The following SYNPR variants were observed in gnomAD, a reference collection of about 807,000 sequenced individuals.
SYNPR encodes the protein synaptoporin.
SYNPR carries 23 observed loss-of-function variants against 32.9 expected under a neutral mutation model. The ratio of observed to expected loss-of-function variants is 0.70; its 90% confidence interval spans 0.50 to 0.99. SYNPR has a LOEUF of 0.99. SYNPR is among the 50% of genes least tolerant of loss of function. SYNPR has a pLI of 0.00. For synonymous variants in SYNPR, 146 were observed against 135.9 expected (o/e 1.07, Z -0.52); for missense variants, 318 against 349.3 (o/e 0.91, Z 0.71).
chr3:63,360,785 C>G (rs2087647079), intron 2 of SYNPR, among the ~76,000 whole-genome samples: 1 of 152,176 alleles, frequency 6.6e-6, no homozygotes, highest in African/African-American at 2.4e-5. Flanking sequence ...AGGAGCATTA[C>G]TGACTGCACT....
chr3:63,307,112 A>G (rs751055573), intron 2 of SYNPR, among the ~76,000 whole-genome samples: 1 of 152,060 alleles, frequency 6.6e-6, no homozygotes, highest in Non-Finnish European at 1.5e-5. Context: ...AGTGTTGGAT[A>G]TTACAGTGTC....
chr3:63,226,404 ATG>A (rs1560161820), upstream of SYNPR, among the ~76,000 whole-genome samples: 1 of 152,228 alleles, frequency 6.6e-6, no homozygotes, highest in Non-Finnish European at 1.5e-5. Flanking sequence ...CGGCACTTGC[ATG>A]TTTATTGCAG....
At chr3:63,527,601 A>G (rs562227241) in intron 3 of SYNPR, among the ~76,000 whole-genome samples, 2 of 152,250 alleles carry the variant, frequency 1.3e-5, no homozygotes, top group South Asian at 4.2e-4. Context: ...TAGAACTATC[A>G]AGAGTCCAGG....
intron 1 of SYNPR, among the ~76,000 whole-genome samples, chr3:63,245,710 AGTGTGTGTGTGTGTGTGT>A (rs1159947180): frequency 2.3e-5 from 1 of 44,210 alleles, no homozygotes; most frequent in Non-Finnish European, 4.5e-5. Flanking sequence ...AGAGAGAGAG[AGTGTGTGTGTGTGTGTGT>A]GTGTGTGTGT....
chr3:63,413,015 G>C (rs983394130), intron 2 of SYNPR, among the ~76,000 whole-genome samples: 3 of 152,120 alleles, frequency 2.0e-5, no homozygotes, highest in African/African-American at 7.2e-5. Flanking sequence ...AGGGTTCCAA[G>C]TGTTCACGTC....
chr3:63,577,190 C>A (rs1220403048), intron 4 of SYNPR, among the ~76,000 whole-genome samples: 1 of 152,176 alleles, frequency 6.6e-6, no homozygotes, highest in African/African-American at 2.4e-5. Flanking sequence ...CAGCATGTGG[C>A]TGGGTAAACG....
chr3:63,471,857 T>C (rs1700806533), intron 2 of SYNPR, among the ~76,000 whole-genome samples: 1 of 152,144 alleles, frequency 6.6e-6, no homozygotes, highest in Non-Finnish European at 1.5e-5. Context: ...AGCTGTTGAA[T>C]TGTGAAGCTG....
chr3:63,222,275 C>T, the SYNPR span, among the ~76,000 whole-genome samples: 1 of 151,872 alleles, frequency 6.6e-6, no homozygotes, highest in South Asian at 2.1e-4. Context: ...TGATAAATGA[C>T]AGAACCTAAG....
At chr3:63,562,597 A>T (rs1214354738) in intron 4 of SYNPR, among the ~76,000 whole-genome samples, 1 of 152,196 alleles carries the variant, frequency 6.6e-6, no homozygotes, top group Non-Finnish European at 1.5e-5. Context: ...TGCCTTCCAA[A>T]TATTTTCCTA....
chr3:63,539,270 G>C (rs1332004170), intron 3 of SYNPR, among the ~76,000 whole-genome samples: 1 of 152,076 alleles, frequency 6.6e-6, no homozygotes, highest in African/African-American at 2.4e-5. Flanking sequence ...CATGAAGGGA[G>C]GTGTGAAGTT....
intron 2 of SYNPR, among the ~76,000 whole-genome samples, chr3:63,382,728 T>C (rs1370418821): frequency 6.6e-6 from 1 of 152,214 alleles, no homozygotes; most frequent in Non-Finnish European, 1.5e-5. Context: ...GTGTGTTTTA[T>C]ATATAATTTC....
At chr3:63,437,737 C>T (rs757696112) in intron 2 of SYNPR, among the ~76,000 whole-genome samples, 1 of 152,120 alleles carries the variant, frequency 6.6e-6, no homozygotes. Flanking sequence ...CTTCACAGCA[C>T]CTGTGGCCTT....
intron 2 of SYNPR, among the ~76,000 whole-genome samples, chr3:63,467,138 G>A (rs1266721982): frequency 6.6e-6 from 1 of 152,090 alleles, no homozygotes; most frequent in Non-Finnish European, 1.5e-5. Flanking sequence ...AGCCTCCCAA[G>A]TAGTTGGGAC....
intron 1 of SYNPR, among the ~76,000 whole-genome samples, chr3:63,251,372 T>C (rs988476652): frequency 1.3e-5 from 2 of 151,966 alleles, no homozygotes; most frequent in Non-Finnish European, 2.9e-5. Flanking sequence ...AAGGAAAGCA[T>C]ATATGTGCCC....
the SYNPR span, among the ~76,000 whole-genome samples, chr3:63,218,290 G>T: frequency 7.7e-3 from 1,174 of 152,272 alleles, 7 homozygotes; most frequent in Non-Finnish European, 0.013. Flanking sequence ...CCACACCAGC[G>T]TTTTGCTGTT....
chr3:63,537,811 T>C (rs749036557), intron 3 of SYNPR, among the ~76,000 whole-genome samples: 8 of 152,130 alleles, frequency 5.3e-5, no homozygotes, highest in Non-Finnish European at 1.2e-4. Context: ...AAGTCAGTCC[T>C]CAAGCGACCC....
rs114222314 is a variant in SYNPR, at chr3:63,550,465, A to G, written c.210-6078A>G. ...GCTAAATATCCAGCTATACATCATC[A>G]GTGTTAATAAGGTCTTTTAGTAATT... On this transcript the variant is annotated intron_variant, in intron 3 of 5. Transcript: ENST00000478300. Among the ~76,000 whole-genome samples, 1,097 of 149,308 alleles carry G rather than the reference A, an allele frequency of 7.3e-3. 16 individuals carry two copies. The highest frequency in any genetic ancestry group is 0.026 in the African/African-American group (1,026 of 40,026).
chr3:63,262,597 G>A lies in SYNPR; in HGVS notation n.155-4720G>A, dbSNP rs1468463984. Among the ~76,000 whole-genome samples, 3 of 152,184 alleles carry A rather than the reference G, an allele frequency of 2.0e-5. No homozygotes were observed. In the South Asian group the frequency reaches 6.2e-4, roughly 32 times the overall value. ...GGGCCCAACAGTGGTGGAAATGTGA[G>A]TCCACTTAGGTGGACTGAGTGCTGT... On this transcript the variant is annotated intron_variant and non_coding_transcript_variant, in intron 2 of 4. Coordinates refer to the SYNPR transcript ENST00000478456.
chr3:63,257,825 T>C (rs536555291), intron 2 of SYNPR, among the ~76,000 whole-genome samples: 3 of 152,020 alleles, frequency 2.0e-5, no homozygotes, highest in East Asian at 3.9e-4. Flanking sequence ...AGAAAACCCA[T>C]CTCACGTGCA....
Sources: gnomAD v4.1 joint callset for allele counts (sites outside exome capture counted in the v4.1 genomes callset) on GRCh38, gnomAD v4.1.1 for gene constraint, MANE v1.5 for transcripts, NCBI Gene and HGNC (gene_info 2026-07-23, HGNC 2026-07-21) for gene names.